The following RAD51B variants were observed in gnomAD, a reference collection of about 807,000 sequenced individuals.
RAD51B encodes the protein RAD51 paralog B, also known as DNA repair protein RAD51 homolog 2.
RAD51B carries 38 observed loss-of-function variants against 42.2 expected under a neutral mutation model. That is an observed-to-expected ratio of 0.90 (90% CI 0.70 to 1.18). RAD51B has a LOEUF of 1.18. Among genes scored for constraint, RAD51B ranks in the 50% most tolerant of loss-of-function variants. The probability of loss-of-function intolerance (pLI) is 0.00; values close to 1 mark genes in which losing one functional copy is unlikely to be tolerated. For missense variants in RAD51B, 373 were observed against 400.7 expected (o/e 0.93, Z 0.59); for synonymous variants, 154 against 145.2 (o/e 1.06, Z -0.43).
chr14:68,382,099 C>A (rs2083489921), intron 8 of RAD51B, among the ~76,000 whole-genome samples: 1 of 152,146 alleles, frequency 6.6e-6, no homozygotes, highest in Non-Finnish European at 1.5e-5. Flanking sequence ...GAGACAAAGG[C>A]CATTTATTTA....
chr14:68,424,252 G>A (rs1286042670), intron 9 of RAD51B, among the ~76,000 whole-genome samples: 2 of 151,944 alleles, frequency 1.3e-5, no homozygotes, highest in African/African-American at 2.4e-5. Context: ...TCCATTTCAC[G>A]GTTTATCTTT....
intron 8 of RAD51B, among the ~76,000 whole-genome samples, chr14:68,351,776 C>T (rs1216557569): frequency 1.3e-5 from 2 of 152,070 alleles, no homozygotes; most frequent in East Asian, 3.9e-4. Flanking sequence ...GGTCTTTATT[C>T]TAAGAGCAAA....
intron 7 of RAD51B, among the ~76,000 whole-genome samples, chr14:68,002,775 TA>T (rs535642291): frequency 1.7e-4 from 26 of 152,346 alleles, no homozygotes; most frequent in African/African-American, 6.3e-4. Flanking sequence ...CACCACCTAT[TA>T]AATAGGGACT....
At chr14:68,005,051 T>G (rs1383786071) in intron 7 of RAD51B, among the ~76,000 whole-genome samples, 43 of 122,632 alleles carry the variant, frequency 3.5e-4, no homozygotes, top group African/African-American at 1.4e-3. Context: ...GTGTGTTTTT[T>G]TTTTTTTTTT....
At chr14:67,823,480 A>G in intron 1 of RAD51B, 62 bp from the exon 2 acceptor site, 1 of 1,427,220 alleles carries the variant, frequency 7.0e-7, no homozygotes, top group African/African-American at 1.4e-5. Flanking sequence ...CCTATTCACT[A>G]TCACTTATGT....
chr14:68,353,204 G>A (rs1200939338), intron 8 of RAD51B, among the ~76,000 whole-genome samples: 8 of 152,148 alleles, frequency 5.3e-5, no homozygotes, highest in Non-Finnish European at 7.3e-5. Context: ...AACTGGCATC[G>A]TGGCACAACT....
chr14:68,570,105 G>T (rs929234634), intron 10 of RAD51B, among the ~76,000 whole-genome samples: 10 of 152,240 alleles, frequency 6.6e-5, no homozygotes, highest in Admixed American at 1.3e-4. Context: ...GTGGCCCAGA[G>T]TAACAGAACA....
At chr14:67,910,958 T>C (rs548627297) in intron 7 of RAD51B, among the ~76,000 whole-genome samples, 122 of 152,152 alleles carry the variant, frequency 8.0e-4, no homozygotes, top group African/African-American at 2.8e-3. Flanking sequence ...ACCACAGGCA[T>C]GCTCCACCAC....
chr14:68,107,617 T>TA (rs752161649), intron 7 of RAD51B, among the ~76,000 whole-genome samples: 9 of 151,824 alleles, frequency 5.9e-5, no homozygotes, highest in Non-Finnish European at 1.3e-4. Flanking sequence ...TAGCATAGGA[T>TA]AAAAATACAG....
chr14:68,174,387 AAAG>A (rs1481093145), intron 7 of RAD51B, among the ~76,000 whole-genome samples: 2 of 151,734 alleles, frequency 1.3e-5, no homozygotes, highest in Admixed American at 1.3e-4. Flanking sequence ...TCCAAAAAAA[AAAG>A]AAAAAAAAAG....
At chr14:68,125,861 T>C (rs1306753206) in intron 7 of RAD51B, among the ~76,000 whole-genome samples, 2 of 152,164 alleles carry the variant, frequency 1.3e-5, no homozygotes, top group Non-Finnish European at 2.9e-5. Context: ...CTTAGAACTG[T>C]AGCTCCATTG....
exon 11 of RAD51B, chr14:68,594,626 A>G: frequency 7.8e-7 from 1 of 1,284,214 alleles, no homozygotes; most frequent in Non-Finnish European, 1.0e-6. Flanking sequence ...GTGGGGTCTC[A>G]TTATGTTGCC....
intron 7 of RAD51B, among the ~76,000 whole-genome samples, chr14:68,196,166 G>A (rs1335663417): frequency 6.6e-6 from 1 of 151,028 alleles, no homozygotes; most frequent in African/African-American, 2.4e-5. Context: ...ACTCCAGCCT[G>A]GGCGACAGAG....
intron 7 of RAD51B, among the ~76,000 whole-genome samples, chr14:67,986,724 G>C (rs2075200206): frequency 1.3e-5 from 2 of 151,990 alleles, no homozygotes; most frequent in South Asian, 4.2e-4. Flanking sequence ...ATTTGTTGTG[G>C]CTGCTTCTAT....
chr14:68,198,618 A>G (rs1207871188), intron 7 of RAD51B, among the ~76,000 whole-genome samples: 1 of 152,186 alleles, frequency 6.6e-6, no homozygotes, highest in Non-Finnish European at 1.5e-5. Context: ...TCACTCAGAA[A>G]TATCTTATGG....
At chr14:68,384,599 C>T (rs10438022) in intron 8 of RAD51B, among the ~76,000 whole-genome samples, 2,412 of 152,292 alleles carry the variant, frequency 0.016, 55 homozygotes, top group African/African-American at 0.053. Context: ...TCTCCACTGC[C>T]TGTGAAGGAA....
rs940786835 is a variant in RAD51B, at chr14:68,280,389, A to G, written c.757-11495A>G. ...GAGTTTTCATATTGAGAACCTTTTTATGTGATAGACTAGAGAGCCAGGTAG... is the reference window on the plus strand; with the variant it reads ...GAGTTTTCATATTGAGAACCTTTTTGTGTGATAGACTAGAGAGCCAGGTAG... On this transcript the variant is annotated intron_variant, in intron 7 of 10. Coordinates refer to ENST00000471583, the MANE Select transcript of RAD51B (RefSeq NM_133510.4). 2.0e-4 allele frequency among the ~76,000 whole-genome samples: 30 copies of G among 152,214 alleles called. 1 individual carries two copies. Among genetic ancestry groups the G allele is most frequent in the Admixed American group, 1.4e-3 (21 of 15,282 alleles).
chr14:67,979,352 G>A (rs1303940811), intron 7 of RAD51B, among the ~76,000 whole-genome samples: 2 of 152,082 alleles, frequency 1.3e-5, no homozygotes, highest in African/African-American at 4.8e-5. Flanking sequence ...CAGATTCTTT[G>A]TGTATCTCAA....
At chr14:67,953,716 A>G (rs962276345) in intron 7 of RAD51B, among the ~76,000 whole-genome samples, 1 of 152,188 alleles carries the variant, frequency 6.6e-6, no homozygotes. Flanking sequence ...GAACTGAGCC[A>G]TGATTGTATG....
Sources: allele counts gnomAD v4.1 joint callset (sites outside exome capture counted in the v4.1 genomes callset), GRCh38; gene constraint gnomAD v4.1.1; transcripts MANE v1.5; gene names NCBI Gene and HGNC (gene_info 2026-07-23, HGNC 2026-07-21).